Variants in DSCAM observed in about 807,000 individuals in gnomAD.
DSCAM encodes cell adhesion molecule DSCAM.
DSCAM carries 47 observed loss-of-function variants against 217.7 expected under a neutral mutation model. That is an observed-to-expected ratio of 0.22 (90% CI 0.17 to 0.28). The LOEUF (loss-of-function observed/expected upper bound fraction) is 0.28. Ranked by LOEUF, DSCAM falls within the 10% of genes least tolerant of loss-of-function variation. The pLI is 1.00. For missense variants in DSCAM, 2,080 were observed against 2,618.3 expected, an observed-to-expected ratio of 0.79 and a Z score of 4.49; for synonymous variants, 1,056 against 1,015.3, an observed-to-expected ratio of 1.04 and a Z score of -0.76.
At chr21:40,200,192 T>C (rs7276144) in intron 11 of DSCAM, among the ~76,000 whole-genome samples, 2,539 of 152,218 alleles carry the variant, frequency 0.017, 93 homozygotes, top group African/African-American at 0.058. Context: ...GAAATTTCCA[T>C]TTTCTCAGCT....
At chr21:40,459,247 A>G (rs2075787228) in intron 3 of DSCAM, among the ~76,000 whole-genome samples, 1 of 152,184 alleles carries the variant, frequency 6.6e-6, no homozygotes, top group Non-Finnish European at 1.5e-5. Flanking sequence ...AGAACAAAAC[A>G]AAATTAGAAA....
intron 20 of DSCAM, among the ~76,000 whole-genome samples, chr21:40,102,821 G>A (rs1341500190): frequency 6.6e-6 from 1 of 152,144 alleles, no homozygotes; most frequent in Admixed American, 6.6e-5. Context: ...CTCTCAATCA[G>A]GGGCTAAGTC....
chr21:40,535,001 T>C (rs1277221768), intron 3 of DSCAM, among the ~76,000 whole-genome samples: 1 of 152,160 alleles, frequency 6.6e-6, no homozygotes, highest in Non-Finnish European at 1.5e-5. Context: ...TACCTGGGTC[T>C]GACTTGGTTC....
intron 4 of DSCAM, among the ~76,000 whole-genome samples, chr21:40,362,183 T>G (rs1041597586): frequency 1.3e-5 from 2 of 152,168 alleles, no homozygotes; most frequent in South Asian, 2.1e-4. Flanking sequence ...TGTTGGACAT[T>G]TGGGTTGGTT....
chr21:40,531,417 CA>C (rs1327850377), intron 3 of DSCAM, among the ~76,000 whole-genome samples: 2 of 152,226 alleles, frequency 1.3e-5, no homozygotes, highest in African/African-American at 4.8e-5. Flanking sequence ...GGTCCTTCTC[CA>C]GCACCCAGCA....
intron 3 of DSCAM, among the ~76,000 whole-genome samples, chr21:40,647,456 T>C (rs935704558): frequency 6.6e-6 from 1 of 152,238 alleles, no homozygotes; most frequent in African/African-American, 2.4e-5. Flanking sequence ...TAAGATTTGA[T>C]GAATTATGGC....
intron 20 of DSCAM, among the ~76,000 whole-genome samples, chr21:40,108,318 A>C (rs2089847886): frequency 6.6e-6 from 1 of 152,200 alleles, no homozygotes; most frequent in African/African-American, 2.4e-5. Flanking sequence ...GTAAAGTCTC[A>C]GGATAGTGCG....
chr21:40,057,768 C>A (rs1032819256), intron 28 of DSCAM, among the ~76,000 whole-genome samples: 1 of 152,060 alleles, frequency 6.6e-6, no homozygotes, highest in Non-Finnish European at 1.5e-5. Context: ...TATAAGAAAA[C>A]GGCCCAACAA....
At chr21:40,084,539 C>G in intron 23 of DSCAM, among the ~76,000 whole-genome samples, 1 of 91,734 alleles carries the variant, frequency 1.1e-5, no homozygotes, top group African/African-American at 4.0e-5. Flanking sequence ...CACACACACA[C>G]ACACACACAC....
At chr21:40,140,572 T>C (rs1283858567) in intron 18 of DSCAM, among the ~76,000 whole-genome samples, 1 of 152,088 alleles carries the variant, frequency 6.6e-6, no homozygotes, top group Non-Finnish European at 1.5e-5. Context: ...ACATTAAGGG[T>C]ATTTAATTTC....
At chr21:40,403,491 T>G (rs1261620712) in intron 3 of DSCAM, among the ~76,000 whole-genome samples, 1 of 152,136 alleles carries the variant, frequency 6.6e-6, no homozygotes, top group Non-Finnish European at 1.5e-5. Flanking sequence ...CAGTGGAATT[T>G]TCTTTGGAAA....
intron 11 of DSCAM, among the ~76,000 whole-genome samples, chr21:40,271,602 C>T (rs1282651673): frequency 1.3e-5 from 2 of 152,146 alleles, no homozygotes; most frequent in South Asian, 2.1e-4. Context: ...ATTCGTTTAG[C>T]CAAAGAGAAA....
At chr21:40,244,512 A>C (rs2073196505) in intron 11 of DSCAM, among the ~76,000 whole-genome samples, 1 of 151,478 alleles carries the variant, frequency 6.6e-6, no homozygotes, top group Non-Finnish European at 1.5e-5. Context: ...CCATTTAATC[A>C]ATCATTTTCT....
At chr21:40,248,000 C>T (rs1327795639) in intron 11 of DSCAM, among the ~76,000 whole-genome samples, 1 of 152,208 alleles carries the variant, frequency 6.6e-6, no homozygotes, top group Non-Finnish European at 1.5e-5. Flanking sequence ...GCTGCCAAGG[C>T]TTGGGGCTTG....
intron 11 of DSCAM, among the ~76,000 whole-genome samples, chr21:40,219,120 T>C (rs1054234675): frequency 1.1e-4 from 17 of 152,188 alleles, no homozygotes; most frequent in African/African-American, 3.4e-4. Context: ...GTTTGTCATA[T>C]ATAGCTCTTA....
intron 1 of DSCAM, among the ~76,000 whole-genome samples, chr21:40,735,695 G>T (rs1027575681): frequency 2.0e-5 from 3 of 152,178 alleles, no homozygotes; most frequent in African/African-American, 7.2e-5. Context: ...ATGTATGAAA[G>T]ATCACAAAGG....
intron 20 of DSCAM, among the ~76,000 whole-genome samples, chr21:40,110,283 G>A (rs948820505): frequency 6.6e-6 from 1 of 152,174 alleles, no homozygotes; most frequent in Non-Finnish European, 1.5e-5. Context: ...TGCAGCCTCC[G>A]CTGCTGATAC....
At chr21:40,536,287 A>G (rs768056877) in intron 3 of DSCAM, among the ~76,000 whole-genome samples, 1 of 152,036 alleles carries the variant, frequency 6.6e-6, no homozygotes, top group Non-Finnish European at 1.5e-5. Flanking sequence ...TCAGAATATG[A>G]CCTTATATTT....
intron 3 of DSCAM, among the ~76,000 whole-genome samples, chr21:40,530,475 T>C (rs1046651806): frequency 1.1e-4 from 16 of 152,242 alleles, no homozygotes; most frequent in African/African-American, 3.9e-4. Context: ...GTAAATGCTC[T>C]ATCCCATTCT....
Sources: gnomAD v4.1 joint callset for allele counts (sites outside exome capture counted in the v4.1 genomes callset) on GRCh38, gnomAD v4.1.1 for gene constraint, MANE v1.5 for transcripts, NCBI Gene and HGNC (gene_info 2026-07-23, HGNC 2026-07-21) for gene names.